The following RNF17 variants were observed in gnomAD, a reference collection of about 807,000 sequenced individuals.
RNF17 encodes the protein spermatogenesis associated 23.
Under a neutral mutation model 200.5 loss-of-function variants are expected in RNF17, and 31 were observed. That is an observed-to-expected ratio of 0.15 (90% CI 0.12 to 0.21). The LOEUF is 0.21. Ranked by LOEUF, RNF17 falls within the 10% of genes least tolerant of loss-of-function variation. The pLI is 1.00. For missense variants in RNF17, 1,628 were observed against 1,905.1 expected, an observed-to-expected ratio of 0.85 and a Z score of 2.71; for synonymous variants, 606 against 637.8, an observed-to-expected ratio of 0.95 and a Z score of 0.75.
At chr13:24,815,213 T>A (rs369104978) in intron 15 of RNF17, among the ~76,000 whole-genome samples, 2 of 152,258 alleles carry the variant, frequency 1.3e-5, no homozygotes, top group East Asian at 1.9e-4. Flanking sequence ...TTATTTAATA[T>A]CTTTCAACAG....
chr13:24,793,916 C>T (rs1884208876), intron 10 of RNF17, among the ~76,000 whole-genome samples: 1 of 152,070 alleles, frequency 6.6e-6, no homozygotes, highest in Non-Finnish European at 1.5e-5. Flanking sequence ...TTTCCCCTAC[C>T]CGTTGTCTAT....
chr13:24,776,489 C>G (rs898720194), intron 3 of RNF17, among the ~76,000 whole-genome samples: 2 of 152,160 alleles, frequency 1.3e-5, no homozygotes, highest in African/African-American at 4.8e-5. Context: ...GAATGTAAAC[C>G]TAGGTTTATT....
intron 18 of RNF17, among the ~76,000 whole-genome samples, chr13:24,840,240 G>A (rs923749592): frequency 6.6e-6 from 1 of 152,022 alleles, no homozygotes; most frequent in African/African-American, 2.4e-5. Flanking sequence ...AGATGCATGC[G>A]TGGGGTGAAC....
At chr13:24,847,972 C>G (rs1328997169) in intron 22 of RNF17, among the ~76,000 whole-genome samples, 1 of 152,176 alleles carries the variant, frequency 6.6e-6, no homozygotes, top group African/African-American at 2.4e-5. Context: ...TGTGTACATA[C>G]TTTAAATGGT....
intron 32 of RNF17, among the ~76,000 whole-genome samples, chr13:24,873,279 T>C (rs1467485670): frequency 2.0e-5 from 3 of 152,182 alleles, no homozygotes; most frequent in Non-Finnish European, 4.4e-5. Context: ...GAAATGCCTT[T>C]CTTTGAAGCT....
chr13:24,813,545 T>C (rs1364902002), intron 15 of RNF17, among the ~76,000 whole-genome samples: 3 of 152,200 alleles, frequency 2.0e-5, no homozygotes, highest in African/African-American at 4.8e-5. Context: ...TTATGAGATA[T>C]ATGACTTACA....
At chr13:24,808,973 C>G (rs1593305425) in intron 15 of RNF17, among the ~76,000 whole-genome samples, 1 of 151,352 alleles carries the variant, frequency 6.6e-6, no homozygotes, top group East Asian at 1.9e-4. Flanking sequence ...ATTGAACCAG[C>G]CTTGCATCCC....
chr13:24,819,380 A>G (rs533559130), intron 15 of RNF17, among the ~76,000 whole-genome samples: 5 of 152,322 alleles, frequency 3.3e-5, no homozygotes, highest in South Asian at 2.1e-4. Flanking sequence ...TTAAGGCTGA[A>G]TAATACTTCT....
At chr13:24,887,334 G>A in the RNF17 span, among the ~76,000 whole-genome samples, 1 of 152,184 alleles carries the variant, frequency 6.6e-6, no homozygotes, top group African/African-American at 2.4e-5. Flanking sequence ...TGTAGGAACT[G>A]GGCCACACAG....
At chr13:24,814,091 TAG>T (rs1887101215) in intron 15 of RNF17, among the ~76,000 whole-genome samples, 1 of 152,154 alleles carries the variant, frequency 6.6e-6, no homozygotes, top group African/African-American at 2.4e-5. Context: ...TAAAGTAAGC[TAG>T]AGAAAAAGTG....
intron 25 of RNF17, among the ~76,000 whole-genome samples, chr13:24,857,442 G>A (rs1209087596): frequency 6.6e-6 from 1 of 152,108 alleles, no homozygotes; most frequent in Non-Finnish European, 1.5e-5. Context: ...GTTTCTATAG[G>A]CTGCTAAAAT....
chr13:24,873,390 C>T (rs1390015134), intron 32 of RNF17, among the ~76,000 whole-genome samples: 1 of 152,056 alleles, frequency 6.6e-6, no homozygotes, highest in Non-Finnish European at 1.5e-5. Context: ...GGATTGTGAG[C>T]CTATATTTGT....
chr13:24,751,733 C>T, the RNF17 span: 2 of 152,168 alleles, frequency 1.3e-5, no homozygotes, highest in Non-Finnish European at 2.9e-5. Context: ...TTCTCTCAAA[C>T]TTGCATTCTT....
the RNF17 span, among the ~76,000 whole-genome samples, chr13:24,754,675 G>A: frequency 6.6e-6 from 1 of 152,110 alleles, no homozygotes; most frequent in Admixed American, 6.5e-5. Context: ...CAGATCGCTT[G>A]AGACCAGGGT....
intron 6 of RNF17, 121 bp from the exon 7 acceptor site, chr13:24,787,867 A>T: frequency 1.5e-6 from 1 of 680,408 alleles, no homozygotes; most frequent in South Asian, 2.8e-5. Context: ...TGTTTGCCTC[A>T]TTTAACCATA....
In RNF17 at chr13:24,764,280, G is replaced by A. The variant is rs369333178; in HGVS notation, c.77G>A (p.Gly26Asp). 1.2e-4 allele frequency: 199 copies of A among 1,611,626 alleles called. No individual in the cohort carries two copies. The highest frequency in any genetic ancestry group is 1.6e-4 in the Non-Finnish European group (191 of 1,178,330). Residue 26 changes from glycine to aspartate, a missense_variant, in exon 1 of 36, where the codon GGT (glycine) becomes GAT (aspartate). By Grantham distance (94) the Gly-to-Asp change is moderately conservative. This residue lies in a region of RNF17 where 502 missense variants were observed against 501.7 expected (regional missense o/e 1.00). Coordinates refer to ENST00000255324, the MANE Select transcript of RNF17 (RefSeq NM_031277.3). ...ATGGGGAGGAAGAGTCAGCCCTGGG[G>A]TGCCGCTGAAATCCAGTGCACCAGG... ...QRMGRKSQPW[G>D]AAEIQCTRCG...
At chr13:24,868,527 C>G (rs1349697843) in intron 30 of RNF17, 73 bp from the exon 31 acceptor site, 1 of 597,662 alleles carries the variant, frequency 1.7e-6, no homozygotes, top group Non-Finnish European at 3.1e-6. Flanking sequence ...TAAATTGGCA[C>G]CATCATGAAT....
At chr13:24,807,100 A>G (rs1189499520) in intron 15 of RNF17, among the ~76,000 whole-genome samples, 1 of 151,780 alleles carries the variant, frequency 6.6e-6, no homozygotes, top group Non-Finnish European at 1.5e-5. Context: ...ATAATGCCAC[A>G]ATAAACATAC....
intron 24 of RNF17, among the ~76,000 whole-genome samples, chr13:24,852,967 G>A (rs898954756): frequency 1.2e-4 from 18 of 152,338 alleles, no homozygotes; most frequent in East Asian, 1.9e-4. Context: ...AGGCTTGAGT[G>A]CAGTGCTGTG....
Sources: gnomAD v4.1 joint callset for allele counts (sites outside exome capture counted in the v4.1 genomes callset) on GRCh38, gnomAD v4.1.1 for gene constraint, gnomAD v4.1.1 regional missense constraint, MANE v1.5 for transcripts, NCBI Gene and HGNC (gene_info 2026-07-23, HGNC 2026-07-21) for gene names.